Variants in LYST observed in about 807,000 individuals in gnomAD.
The protein encoded by LYST is lysosomal trafficking regulator.
LYST carries 192 observed loss-of-function variants against 413.6 expected under a neutral mutation model. The ratio of observed to expected loss-of-function variants is 0.46; its 90% confidence interval spans 0.41 to 0.52. The LOEUF (loss-of-function observed/expected upper bound fraction) is 0.52. Among genes scored for constraint, LYST ranks in the 20% least tolerant of loss-of-function variants. The pLI is 0.00. For missense variants in LYST, 3,815 were observed against 4,499.9 expected, an observed-to-expected ratio of 0.85 and a Z score of 4.35; for synonymous variants, 1,525 against 1,567.3, an observed-to-expected ratio of 0.97 and a Z score of 0.64.
chr1:235,707,843 C>G (rs1414126025), intron 44 of LYST, among the ~76,000 whole-genome samples: 6 of 151,990 alleles, frequency 3.9e-5, no homozygotes, highest in Admixed American at 3.9e-4. Flanking sequence ...ACATTTGGAA[C>G]CAGAATTGTT....
rs1660232015 is a variant in LYST, at chr1:235,686,470, T to A, written c.10800+479A>T. On this transcript the variant is annotated intron_variant, in intron 48 of 52. Coordinates refer to ENST00000389793, the MANE Select transcript of LYST (RefSeq NM_000081.4). This position sits in a 1 kb window ranked among gnomAD's most constrained non-coding sequence, Gnocchi z 4.0. ...ATTTTTTCCCGTTTTATGATTCAAC[T>A]CCAAAATCCTGGGAGTTCAGTGAAT... is the stretch of plus-strand genomic sequence containing the variant. 6.6e-6 allele frequency among the ~76,000 whole-genome samples: 1 copy of A among 152,180 alleles called. No homozygotes were observed.
At chr1:235,803,649 T>A in intron 7 of LYST, among the ~76,000 whole-genome samples, 1 of 152,172 alleles carries the variant, frequency 6.6e-6, no homozygotes, top group East Asian at 1.9e-4. Flanking sequence ...ACCTTCATTT[T>A]AGAAAACATT....
intron 3 of LYST, among the ~76,000 whole-genome samples, chr1:235,824,686 TA>T (rs1239575928): frequency 1.3e-5 from 2 of 152,196 alleles, no homozygotes; most frequent in African/African-American, 4.8e-5. Context: ...CTGTGTATAA[TA>T]AATTATGAAC....
At chr1:235,823,665 A>G (rs1675020987) in intron 3 of LYST, among the ~76,000 whole-genome samples, 2 of 152,236 alleles carry the variant, frequency 1.3e-5, no homozygotes, top group African/African-American at 4.8e-5. Flanking sequence ...TAACTTCACT[A>G]AACTACTTGT....
At position 235,677,469 on chromosome 1, in the gene LYST, T is replaced by A; in HGVS notation, c.10940+11A>T. The A allele has an allele frequency of 3.7e-6, 6 of 1,613,416 alleles. No homozygotes were observed. Among genetic ancestry groups the A allele is most frequent in the Non-Finnish European group, 5.1e-6 (6 of 1,179,498 alleles). On this transcript the variant is annotated intron_variant, in intron 49 of 52. Coordinates refer to ENST00000389793, the MANE Select transcript of LYST (RefSeq NM_000081.4). The stretch of plus-strand genomic sequence containing the variant: ...AAATGCTATGTTTGATTTGGAGACC[T>A]TCTTCTGTACCTGTTTAAATCCCAT...
In LYST at chr1:235,759,395, G is replaced by C. The variant is rs780829179; in HGVS notation, c.6458C>G (p.Ser2153Cys). 6.2e-7 allele frequency: 1 copy of C among 1,614,106 alleles called. No homozygotes were observed. Among genetic ancestry groups the C allele is most frequent in the Non-Finnish European group, 8.5e-7 (1 of 1,179,990 alleles). ...CTCTTTGCCTTTTTTCAGTGTGTCG[G>C]AACTCCCCAAAGAATTTTGTTTCTT... ...QSKKQNSLGS[S>C]DTLKKGKEDA... is the part of the protein sequence containing the mutation. Residue 2153 changes from serine (S) to cysteine (C), a missense_variant, in exon 23 of 53, where the codon TCC becomes TGC. By Grantham distance (112) the Ser-to-Cys change is moderately radical (BLOSUM62 -1). Around this residue, in one of 4 missense-constraint regions of LYST, gnomAD observed 771 missense variants for 837.1 expected, o/e 0.92. Transcript: ENST00000389793.
Position 235,664,238 on chromosome 1 carries a change from C to T in LYST, c.11196-183G>A, listed in dbSNP as rs1428347830. Among the ~76,000 whole-genome samples the T allele has an allele frequency of 6.6e-6, 1 of 152,188 alleles. No individual in the cohort carries two copies. The highest frequency in any genetic ancestry group is 2.4e-5 in the African/African-American group (1 of 41,444). On this transcript the variant is annotated intron_variant, in intron 51 of 52. Transcript: ENST00000389793. The surrounding 1 kb of genome is among the most constrained non-coding windows in gnomAD (Gnocchi z 4.5). ...ATAAGAGAACTTTTAACTTTGTATACTTCCATACTGTTAATCTTTTATAGT... is the reference window on the plus strand; with the variant it reads ...ATAAGAGAACTTTTAACTTTGTATATTTCCATACTGTTAATCTTTTATAGT...
chr1:235,801,130 T>A, intron 8 of LYST, 33 bp from the exon 9 acceptor site: 1 of 1,263,832 alleles, frequency 7.9e-7, no homozygotes, highest in East Asian at 2.3e-5. Flanking sequence ...TTACTTGTAT[T>A]CCCTAAACAC....
At chr1:235,770,398 A>G in intron 19 of LYST, 101 bp from the exon 20 acceptor site, 1 of 1,028,604 alleles carries the variant, frequency 9.7e-7, no homozygotes, top group Non-Finnish European at 1.5e-6. Context: ...CATTGTGTAT[A>G]TATTCAGTAT....
intron 50 of LYST, among the ~76,000 whole-genome samples, chr1:235,666,269 CAAT>C: frequency 8.6e-6 from 1 of 115,694 alleles, no homozygotes; most frequent in Admixed American, 9.2e-5. Context: ...CACACACACA[CAAT>C]TTTCTTTAGC....
intron 17 of LYST, among the ~76,000 whole-genome samples, chr1:235,775,344 A>T (rs1264284916): frequency 6.6e-6 from 1 of 152,232 alleles, no homozygotes; most frequent in Non-Finnish European, 1.5e-5. Context: ...TTTTATAACT[A>T]GTGATCTGAA....
At chr1:235,688,984 AAAT>A (rs35849101) in intron 47 of LYST, among the ~76,000 whole-genome samples, 6,590 of 135,798 alleles carry the variant, frequency 0.049, 258 homozygotes, top group Admixed American at 0.1. Context: ...ACTCCGTCTC[AAAT>A]AATAATAATA....
At chr1:235,733,988 T>C (rs1365257950) in intron 32 of LYST, 82 bp from the exon 33 acceptor site, 2 of 697,834 alleles carry the variant, frequency 2.9e-6, no homozygotes, top group African/African-American at 1.8e-5. Flanking sequence ...CAAACTAATT[T>C]TAAAACCCAG....
At chr1:235,850,385 AC>A (rs1238415320) in intron 1 of LYST, among the ~76,000 whole-genome samples, 1 of 152,206 alleles carries the variant, frequency 6.6e-6, no homozygotes, top group African/African-American at 2.4e-5. Flanking sequence ...CTACACATGT[AC>A]TAAGGACTTA....
At chr1:235,767,831 G>A (rs1282592564) in intron 20 of LYST, among the ~76,000 whole-genome samples, 1 of 152,032 alleles carries the variant, frequency 6.6e-6, no homozygotes, top group African/African-American at 2.4e-5. Flanking sequence ...AAGAATTTCT[G>A]AGTCAATGGC....
At chr1:235,780,649 T>C (rs1669771528) in intron 16 of LYST, among the ~76,000 whole-genome samples, 1 of 151,830 alleles carries the variant, frequency 6.6e-6, no homozygotes. Context: ...AAATATAATT[T>C]CAAGGAAAAG....
intron 15 of LYST, among the ~76,000 whole-genome samples, chr1:235,781,617 G>A (rs779987261): frequency 4.0e-5 from 6 of 151,688 alleles, no homozygotes; most frequent in Non-Finnish European, 7.4e-5. Flanking sequence ...ATAAAAAAAC[G>A]CTAAGTTAAT....
At chr1:235,756,785 G>A (rs1212625945) in intron 24 of LYST, among the ~76,000 whole-genome samples, 4 of 152,102 alleles carry the variant, frequency 2.6e-5, no homozygotes, top group Non-Finnish European at 4.4e-5. Flanking sequence ...AGGATGCTAT[G>A]ATAGAATAAA....
chr1:235,781,657 A>T (rs1572238585), intron 15 of LYST, among the ~76,000 whole-genome samples: 1 of 152,146 alleles, frequency 6.6e-6, no homozygotes, highest in Non-Finnish European at 1.5e-5. Flanking sequence ...GGATGGAAGA[A>T]ATACATTTTT....
Sources: allele counts gnomAD v4.1 joint callset (sites outside exome capture counted in the v4.1 genomes callset), GRCh38; gene constraint gnomAD v4.1.1; regional missense constraint gnomAD v4.1.1; non-coding constraint Gnocchi (gnomAD v3.1); transcripts MANE v1.5; gene names NCBI Gene and HGNC (gene_info 2026-07-23, HGNC 2026-07-21).